CHD7: variants seen among roughly 807,000 people sequenced by gnomAD.
The protein encoded by CHD7 is chromodomain helicase DNA binding protein 7, also known as ATP-dependent chromatin remodeler CHD7.
CHD7 carries 24 observed loss-of-function variants against 307.3 expected under a neutral mutation model. That is an observed-to-expected ratio of 0.08 (90% CI 0.06 to 0.11). CHD7 has a LOEUF of 0.11. Ranked by LOEUF, CHD7 falls within the 10% of genes least tolerant of loss-of-function variation. The pLI, the probability that CHD7 is intolerant of heterozygous loss-of-function variation, is 1.00. For synonymous variants in CHD7, 1,363 were observed against 1,349.9 expected (o/e 1.01, Z -0.21); for missense variants, 3,106 against 3,727.1 (o/e 0.83, Z 4.34).
At chr8:60,795,253 C>T in intron 4 of CHD7, 126 bp downstream of exon 4, 1 of 901,106 alleles carries the variant, frequency 1.1e-6, no homozygotes, top group Non-Finnish European at 1.6e-6. Context: ...TTATTGTAGT[C>T]TGGAACATTA....
At chr8:60,776,170 C>T (rs1586308491) in intron 2 of CHD7, among the ~76,000 whole-genome samples, 1 of 152,146 alleles carries the variant, frequency 6.6e-6, no homozygotes, top group Admixed American at 6.5e-5. Context: ...TTCATATAGT[C>T]ATTCAGTATA....
intron 7 of CHD7, among the ~76,000 whole-genome samples, chr8:60,816,139 C>G (rs2150738437): frequency 6.6e-6 from 1 of 151,910 alleles, no homozygotes; most frequent in South Asian, 2.1e-4. Context: ...CTCTCTCTCT[C>G]TCTCTCTCTC....
chr8:60,805,952 T>C (rs750094897), intron 6 of CHD7, among the ~76,000 whole-genome samples: 7 of 152,202 alleles, frequency 4.6e-5, no homozygotes, highest in Non-Finnish European at 8.8e-5. Flanking sequence ...AATTTCATGA[T>C]AATGCTGTGT....
intron 2 of CHD7, among the ~76,000 whole-genome samples, chr8:60,761,203 G>A (rs1810181978): frequency 6.6e-6 from 1 of 151,552 alleles, no homozygotes; most frequent in Non-Finnish European, 1.5e-5. Context: ...GGACATGGAT[G>A]AAATTGGAAA....
In CHD7 at chr8:60,822,469, C is replaced by G. The variant is rs1404508057; in HGVS notation, c.2958-34C>G. On this transcript the variant is annotated intron_variant, in intron 11 of 37. Coordinates refer to ENST00000423902, the MANE Select transcript of CHD7 (RefSeq NM_017780.4). ...GACAGCAGTGTGTCATATCCATACT[C>G]ATTAAACTTTTGTACTTCATTTTCC... The G allele has an allele frequency of 2.5e-6, 4 of 1,604,184 alleles. No individual in the cohort carries two copies. In the East Asian group the frequency reaches 8.9e-5, roughly 36 times the overall value.
chr8:60,741,702 G>A lies in CHD7; in HGVS notation c.270G>A (p.Met90Ile). The A allele has an allele frequency of 6.2e-7, 1 of 1,613,942 alleles. No homozygotes were observed. Among genetic ancestry groups the A allele is most frequent in the Non-Finnish European group, 8.5e-7 (1 of 1,179,860 alleles). The stretch of plus-strand genomic sequence containing the variant: ...TGATGGATCAGCCGAACAGAATGAT[G>A]AGCAACACCCCTGGGAACGGACTCG... ...MHLMDQPNRM[M>I]SNTPGNGLAS... Residue 90 changes from methionine to isoleucine, a missense_variant, in exon 2 of 38, where the codon ATG becomes ATA. This residue lies in a region of CHD7 where 998 missense variants were observed against 1,004.5 expected (regional missense o/e 0.99). Transcript: ENST00000423902.
At chr8:60,817,561 G>A (rs1803809402) in intron 8 of CHD7, among the ~76,000 whole-genome samples, 1 of 152,120 alleles carries the variant, frequency 6.6e-6, no homozygotes, top group African/African-American at 2.4e-5. Flanking sequence ...ACTACCCCTG[G>A]CACTCTGAGT....
Position 60,865,116 on chromosome 8 carries a change from C to T in CHD7, c.8177C>T (p.Ala2726Val), listed in dbSNP as rs1563673442. 1 of 1,610,924 alleles carries T rather than the reference C, an allele frequency of 6.2e-7. No individual in the cohort carries two copies. The highest frequency in any genetic ancestry group is 1.1e-5 in the South Asian group (1 of 90,450). ...GGAAGAAGGCCCAAAAGTGAGATCGCCAGAGCAGCCGCGGCCGCCGCTGCT... is the reference window on the plus strand; with the variant it reads ...GGAAGAAGGCCCAAAAGTGAGATCGTCAGAGCAGCCGCGGCCGCCGCTGCT... ...RRGRRPKSEI[A>V]RAAAAAAAVA... The change falls in exon 38 of 38, where the codon GCC becomes GTC. Residue 2726 changes from alanine (A) to valine (V), a missense_variant. This residue lies in a region of CHD7 where 351 missense variants were observed against 366.2 expected (regional missense o/e 0.96). Transcript: ENST00000423902. This position sits in a 1 kb window ranked among gnomAD's most constrained non-coding sequence, Gnocchi z 4.3.
intron 4 of CHD7, 56 bp from the exon 5 acceptor site, chr8:60,800,332 A>G: frequency 1.3e-6 from 2 of 1,577,228 alleles, no homozygotes; most frequent in Non-Finnish European, 1.7e-6. Context: ...GCGCTCGGCC[A>G]CATTTTTCTT....
intron 1 of CHD7, among the ~76,000 whole-genome samples, chr8:60,711,565 G>A (rs1164293216): frequency 3.3e-5 from 5 of 152,338 alleles, no homozygotes; most frequent in African/African-American, 9.6e-5. Context: ...GACTTTAGAT[G>A]TTGAGCGAGG....
At chr8:60,864,479 T>C (rs1418509113) in intron 37 of CHD7, 1 of 153,664 alleles carries the variant, frequency 6.5e-6, no homozygotes, top group Non-Finnish European at 1.4e-5. Flanking sequence ...AAATTTGTTA[T>C]GGGTACATAG....
intron 3 of CHD7, among the ~76,000 whole-genome samples, chr8:60,793,887 C>T (rs1472218817): frequency 2.0e-5 from 3 of 152,114 alleles, no homozygotes; most frequent in South Asian, 2.1e-4. Flanking sequence ...CTTTGGGAGG[C>T]CGAGGCAGGT....
intron 15 of CHD7, among the ~76,000 whole-genome samples, chr8:60,834,571 C>G (rs1804662205): frequency 6.6e-6 from 1 of 152,154 alleles, no homozygotes; most frequent in Non-Finnish European, 1.5e-5. Context: ...TTGCTCTTTA[C>G]TCTTGCATTT....
rs536213380 is a variant in CHD7 at position 60,713,606 on chromosome 8, T to C, written c.-174-27653T>C. On this transcript the variant is annotated intron_variant, in intron 1 of 37. Transcript: ENST00000423902. ...AATGAGAATGACAGGGTCAAAACAT[T>C]ATTTTATTCACAAAAGCAACGTTCT... Among the ~76,000 whole-genome samples, 19 of 152,276 alleles carry C rather than the reference T, an allele frequency of 1.2e-4. No individual in the cohort carries two copies. In the South Asian group the frequency reaches 3.5e-3, roughly 28 times the overall value.
chr8:60,770,535 T>G (rs894816157), intron 2 of CHD7, among the ~76,000 whole-genome samples: 1 of 152,236 alleles, frequency 6.6e-6, no homozygotes, highest in Non-Finnish European at 1.5e-5. Flanking sequence ...CACAGTCCCC[T>G]CTAAGTGTTA....
chr8:60,751,213 C>A (rs1809624726), intron 2 of CHD7, among the ~76,000 whole-genome samples: 3 of 152,250 alleles, frequency 2.0e-5, no homozygotes, highest in South Asian at 4.1e-4. Flanking sequence ...TTTTGCCTGT[C>A]TCTAATACAA....
rs149860583 is a variant in CHD7, at chr8:60,714,494, C to T, written c.-174-26765C>T. Among the ~76,000 whole-genome samples, 968 of 150,694 alleles carry T rather than the reference C, an allele frequency of 6.4e-3. 8 individuals carry two copies. The highest frequency in any genetic ancestry group is 0.011 in the Non-Finnish European group (752 of 67,716). On this transcript the variant is annotated intron_variant, in intron 1 of 37. Coordinates refer to ENST00000423902, the MANE Select transcript of CHD7 (RefSeq NM_017780.4). ...CGAAGTGGGCAGGAGTCAGCGAGGCCATCTCGCGCCCGTGCGCACCGCTGT... is the reference window on the plus strand; with the variant it reads ...CGAAGTGGGCAGGAGTCAGCGAGGCTATCTCGCGCCCGTGCGCACCGCTGT...
chr8:60,697,589 A>T (rs1806546741), intron 1 of CHD7, among the ~76,000 whole-genome samples: 1 of 152,234 alleles, frequency 6.6e-6, no homozygotes, highest in South Asian at 2.1e-4. Context: ...ATTAAATTTA[A>T]GATGGTGTCA....
At position 60,741,763 on chromosome 8, in the gene CHD7, C is replaced by T. The variant is rs147164392; in HGVS notation, c.331C>T (p.Pro111Ser). 54 of 1,613,922 alleles carry T rather than the reference C, an allele frequency of 3.3e-5. 1 individual carries two copies. In the African/African-American group the frequency reaches 3.9e-4, roughly 12 times the overall value. ...CTCGCAGTATCACACCCCTCCCGTT[C>T]CTCAGGTGCCCCATGGTGGCAGTGG... ...PHSQYHTPPVPQVPHGGSGGG... is the reference protein window; with the variant it reads ...PHSQYHTPPVSQVPHGGSGGG... The change falls in exon 2 of 38, where the codon CCT becomes TCT. Residue 111 changes from proline (P) to serine (S), a missense_variant. Transcript: ENST00000423902.
Sources: allele counts gnomAD v4.1 joint callset (sites outside exome capture counted in the v4.1 genomes callset), GRCh38; gene constraint gnomAD v4.1.1; regional missense constraint gnomAD v4.1.1; non-coding constraint Gnocchi (gnomAD v3.1); transcripts MANE v1.5; gene names NCBI Gene and HGNC (gene_info 2026-07-23, HGNC 2026-07-21).